PTPN3: variants seen among roughly 807,000 people sequenced by gnomAD.
PTPN3 encodes the protein protein tyrosine phosphatase non-receptor type 3.
Under a neutral mutation model 132.7 loss-of-function variants are expected in PTPN3, and 96 were observed. The observed-to-expected ratio is 0.72, with a 90% CI of 0.61 to 0.86. The LOEUF (loss-of-function observed/expected upper bound fraction) is 0.86. Ranked by LOEUF, PTPN3 falls within the 40% of genes least tolerant of loss-of-function variation. The probability of loss-of-function intolerance (pLI) is 0.00; values close to 1 mark genes in which losing one functional copy is unlikely to be tolerated. For missense variants in PTPN3, 1,125 were observed against 1,159.6 expected (o/e 0.97, Z 0.43); for synonymous variants, 398 against 429.0 (o/e 0.93, Z 0.89).
At chr9:109,426,298 A>C (rs979535260) in intron 12 of PTPN3, among the ~76,000 whole-genome samples, 2 of 148,816 alleles carry the variant, frequency 1.3e-5, no homozygotes, top group Non-Finnish European at 3.0e-5. Context: ...TATATTATAT[A>C]TATTTATACA....
intron 1 of PTPN3, among the ~76,000 whole-genome samples, chr9:109,495,686 C>G (rs151188913): frequency 1.8e-4 from 28 of 152,344 alleles, no homozygotes; most frequent in African/African-American, 5.8e-4. Flanking sequence ...GGAACCCCAG[C>G]TTTTTCCAGG....
chr9:109,434,761 C>T (rs544393985), intron 9 of PTPN3, among the ~76,000 whole-genome samples: 8 of 152,218 alleles, frequency 5.3e-5, no homozygotes, highest in Non-Finnish European at 8.8e-5. Context: ...CACCTCGAAG[C>T]GTTTTTATCT....
intron 19 of PTPN3, among the ~76,000 whole-genome samples, chr9:109,401,734 C>T (rs754100472): frequency 6.6e-6 from 1 of 152,166 alleles, no homozygotes; most frequent in Non-Finnish European, 1.5e-5. Flanking sequence ...ACTGCGCTGT[C>T]CACCCAGGTA....
At chr9:109,506,368 G>A in the PTPN3 span, among the ~76,000 whole-genome samples, 1 of 152,224 alleles carries the variant, frequency 6.6e-6, no homozygotes, top group Non-Finnish European at 1.5e-5. Flanking sequence ...CCCTCCCGAA[G>A]AGGAACTGTA....
chr9:109,388,337 C>T (rs562569844), intron 22 of PTPN3, among the ~76,000 whole-genome samples: 19 of 152,130 alleles, frequency 1.2e-4, no homozygotes, highest in Non-Finnish European at 2.4e-4. Flanking sequence ...AATGGATAAA[C>T]AGGGGAGGTT....
At position 109,464,580 on chromosome 9, in the gene PTPN3, C is replaced by T. The variant is rs150321106; in HGVS notation, c.-17-1129G>A. On this transcript the variant is annotated intron_variant, in intron 1 of 25. Coordinates refer to ENST00000374541, the MANE Select transcript of PTPN3 (RefSeq NM_002829.4). ...CTAAAAAAAATTTTTTTTAAAGTCA[C>T]GACAATTCAAAGATTTGGACCAAAA... is the stretch of plus-strand genomic sequence containing the variant. Among the ~76,000 whole-genome samples the T allele has an allele frequency of 6.5e-3, 991 of 152,136 alleles. 11 individuals carry two copies. The highest frequency in any genetic ancestry group is 0.023 in the African/African-American group (942 of 41,482).
chr9:109,393,383 T>C lies in PTPN3; in HGVS notation c.1954-1822A>G, dbSNP rs142478295. On this transcript the variant is annotated intron_variant, in intron 19 of 25. Coordinates refer to ENST00000374541, the MANE Select transcript of PTPN3 (RefSeq NM_002829.4). ...ATAATATTTTTAATGGTTTTTTTTGTCTTTTTTTTTTTTTTTTTTTGAGAT... is the reference window on the plus strand; with the variant it reads ...ATAATATTTTTAATGGTTTTTTTTGCCTTTTTTTTTTTTTTTTTTTGAGAT... Among the ~76,000 whole-genome samples the C allele has an allele frequency of 0.011, 1,694 of 148,100 alleles. 103 individuals carry two copies. The East Asian group carries it at 0.17, about 15-fold the overall frequency.
intron 4 of PTPN3, among the ~76,000 whole-genome samples, chr9:109,454,844 C>T (rs1845479945): frequency 6.6e-6 from 1 of 152,226 alleles, no homozygotes; most frequent in South Asian, 2.1e-4. Context: ...TTAAACATTG[C>T]ACTCCGTCAT....
chr9:109,416,894 A>T (rs1404284364), intron 14 of PTPN3, among the ~76,000 whole-genome samples: 1 of 152,214 alleles, frequency 6.6e-6, no homozygotes, highest in Non-Finnish European at 1.5e-5. Flanking sequence ...ACCCATCAAG[A>T]CAACTGTGAT....
At chr9:109,470,531 CA>C (rs35189837) in intron 1 of PTPN3, among the ~76,000 whole-genome samples, 16,480 of 137,832 alleles carry the variant, frequency 0.12, 1,461 homozygotes, top group East Asian at 0.32. Context: ...ATCATATCTA[CA>C]AAAAAAAAAA....
rs775439703 is a variant in PTPN3 at position 109,381,794 on chromosome 9, A to T, written c.2529-7T>A. 1.2e-6 allele frequency: 2 copies of T among 1,614,028 alleles called. No homozygotes were observed. Among genetic ancestry groups the T allele is most frequent in the African/African-American group, 1.3e-5 (1 of 74,932 alleles). Reference sequence around the variant, plus strand: ...GGTTCGACCTATTCCAGCACTGGAGAGGGGAGAGAAGACAGACTTGGGATT... The same window carrying T: ...GGTTCGACCTATTCCAGCACTGGAGTGGGGAGAGAAGACAGACTTGGGATT... On this transcript the variant is annotated splice_region_variant and splice_polypyrimidine_tract_variant and intron_variant, in intron 24 of 25. Transcript: ENST00000374541.
intron 13 of PTPN3, 88 bp downstream of exon 13, chr9:109,422,630 T>C (rs1053689501): frequency 7.1e-7 from 1 of 1,413,716 alleles, no homozygotes; most frequent in Non-Finnish European, 9.6e-7. Context: ...CATCTATCTT[T>C]AGGAGTTTAT....
At position 109,460,536 on chromosome 9, in the gene PTPN3, C is replaced by A. The variant is rs551086985; in HGVS notation, c.138+2761G>T. The stretch of plus-strand genomic sequence containing the variant: ...GAGCTTATCTTCTGCTACCCTCCCC[C>A]CTTGCTCATTCCACTCCAGACTCCA... On this transcript the variant is annotated intron_variant, in intron 2 of 25. Coordinates refer to ENST00000374541, the MANE Select transcript of PTPN3 (RefSeq NM_002829.4). Among the ~76,000 whole-genome samples the A allele has an allele frequency of 2.6e-5, 4 of 152,288 alleles. No individual in the cohort carries two copies. The East Asian group carries it at 5.8e-4, about 22-fold the overall frequency.
At chr9:109,452,187 G>GC (rs1845295056) in intron 5 of PTPN3, among the ~76,000 whole-genome samples, 1 of 144,438 alleles carries the variant, frequency 6.9e-6, no homozygotes, top group Non-Finnish European at 1.5e-5. Flanking sequence ...AGAATCGCTT[G>GC]AACCCGGGAG....
chr9:109,491,309 G>A (rs1331937701), intron 1 of PTPN3, among the ~76,000 whole-genome samples: 1 of 151,806 alleles, frequency 6.6e-6, no homozygotes. Flanking sequence ...GAATATCATC[G>A]CTTTTAGGAA....
chr9:109,382,364 C>T lies in PTPN3; in HGVS notation c.2466G>A (p.Leu822=). Residue 822 remains leucine, a synonymous_variant, in exon 24 of 26, where the codon CTG becomes CTA. Coordinates refer to ENST00000374541, the MANE Select transcript of PTPN3 (RefSeq NM_002829.4). ...HGVPDDSSDF[L]EFVNYVRSLR... ...GAGACCTCACATAGTTTACAAATTC[C>T]AGAAAGTCGGAGGAGTCATCGGGCA... is the stretch of plus-strand genomic sequence containing the variant. 6.2e-7 allele frequency: 1 copy of T among 1,614,098 alleles called. No individual in the cohort carries two copies.
chr9:109,533,479 G>A, the PTPN3 span: 3 of 1,585,776 alleles, frequency 1.9e-6, no homozygotes, highest in Non-Finnish European at 2.6e-6. Flanking sequence ...GCGTCGGTAA[G>A]TTGCGGCGGT....
At chr9:109,498,962 C>T (rs1319251932), upstream of PTPN3, among the ~76,000 whole-genome samples, 2 of 152,152 alleles carry the variant, frequency 1.3e-5, no homozygotes, top group African/African-American at 4.8e-5. This position sits in a 1 kb window ranked among gnomAD's most constrained non-coding sequence, Gnocchi z 4.2. Context: ...CCTTTCCTGA[C>T]CACCTTCCTC....
At chr9:109,408,824 TTATA>T (rs540567356) in intron 16 of PTPN3, among the ~76,000 whole-genome samples, 10 of 128,544 alleles carry the variant, frequency 7.8e-5, no homozygotes, top group Admixed American at 6.7e-4. Context: ...TATATGGGCT[TTATA>T]TATATATATG....
Sources: allele counts gnomAD v4.1 joint callset (sites outside exome capture counted in the v4.1 genomes callset), GRCh38; gene constraint gnomAD v4.1.1; non-coding constraint Gnocchi (gnomAD v3.1); transcripts MANE v1.5; gene names NCBI Gene and HGNC (gene_info 2026-07-23, HGNC 2026-07-21).